TNFRSF21: variants seen among roughly 807,000 people sequenced by gnomAD.
TNFRSF21 encodes tumor necrosis factor receptor superfamily member 21.
In TNFRSF21, 19 loss-of-function variants were observed where a neutral mutation model predicts 45.6. That is an observed-to-expected ratio of 0.42 (90% CI 0.29 to 0.61). The LOEUF is 0.61. Ranked by LOEUF, TNFRSF21 falls within the 20% of genes least tolerant of loss-of-function variation. The pLI is 0.23. For synonymous variants in TNFRSF21, 314 were observed against 335.5 expected, an observed-to-expected ratio of 0.94 and a Z score of 0.70; for missense variants, 737 against 851.5, an observed-to-expected ratio of 0.87 and a Z score of 1.67.
At chr6:47,254,866 A>G (rs142048709) in intron 3 of TNFRSF21, among the ~76,000 whole-genome samples, 1 of 152,344 alleles carries the variant, frequency 6.6e-6, no homozygotes, top group East Asian at 1.9e-4. Context: ...AGGCATTAAT[A>G]TTCCAATTAC....
intron 1 of TNFRSF21, among the ~76,000 whole-genome samples, chr6:47,301,050 T>C (rs970039726): frequency 6.6e-6 from 1 of 152,138 alleles, no homozygotes; most frequent in Admixed American, 6.5e-5. Flanking sequence ...ATAAAGAGAA[T>C]TCTACACCCA....
chr6:47,243,050 G>T (rs1365222789), intron 4 of TNFRSF21, among the ~76,000 whole-genome samples: 1 of 152,220 alleles, frequency 6.6e-6, no homozygotes, highest in East Asian at 1.9e-4. Context: ...GAAGGCTTAA[G>T]TTCATCTTTA....
chr6:47,243,448 T>C (rs1168788746), intron 4 of TNFRSF21, among the ~76,000 whole-genome samples: 1 of 152,156 alleles, frequency 6.6e-6, no homozygotes, highest in Non-Finnish European at 1.5e-5. Flanking sequence ...GTTTTGTTTT[T>C]TTCGTGTCTC....
At position 47,307,435 on chromosome 6, in the gene TNFRSF21, G is replaced by A. The variant is rs114998489; in HGVS notation, c.96+1981C>T. 4.3e-3 allele frequency among the ~76,000 whole-genome samples: 649 copies of A among 152,208 alleles called. 6 individuals are homozygous for A. Among genetic ancestry groups the A allele is most frequent in the Admixed American group, 5.2e-3 (79 of 15,290 alleles). ...ACTCTGTCACTCAAGCTGGAGTGCCGTGGCATGGTCACAGCTCACTGCAGC... is the reference window on the plus strand; with the variant it reads ...ACTCTGTCACTCAAGCTGGAGTGCCATGGCATGGTCACAGCTCACTGCAGC... On this transcript the variant is annotated intron_variant, in intron 1 of 5. Coordinates refer to ENST00000296861, the MANE Select transcript of TNFRSF21 (RefSeq NM_014452.5).
chr6:47,288,775 C>T (rs1187345513), intron 1 of TNFRSF21, among the ~76,000 whole-genome samples: 1 of 152,146 alleles, frequency 6.6e-6, no homozygotes, highest in African/African-American at 2.4e-5. Flanking sequence ...AGACGCTTTG[C>T]CTACATGAAG....
At chr6:47,264,536 T>C (rs912536149) in intron 3 of TNFRSF21, among the ~76,000 whole-genome samples, 1 of 151,984 alleles carries the variant, frequency 6.6e-6, no homozygotes, top group African/African-American at 2.4e-5. Context: ...AATTAATTAA[T>C]TAATAGCTTC....
chr6:47,249,140 T>C (rs1764865178), intron 4 of TNFRSF21, among the ~76,000 whole-genome samples: 1 of 152,204 alleles, frequency 6.6e-6, no homozygotes, highest in African/African-American at 2.4e-5. Context: ...CCTCCCAACC[T>C]CTTGGATTTA....
intron 1 of TNFRSF21, among the ~76,000 whole-genome samples, chr6:47,305,268 G>C (rs1163207691): frequency 6.6e-6 from 1 of 152,108 alleles, no homozygotes; most frequent in African/African-American, 2.4e-5. Context: ...CCACTGCCCA[G>C]AATAGTGCCT....
At chr6:47,299,566 A>C (rs997292420) in intron 1 of TNFRSF21, among the ~76,000 whole-genome samples, 11 of 152,154 alleles carry the variant, frequency 7.2e-5, no homozygotes, top group Admixed American at 7.2e-4. Context: ...TGTAAAATAA[A>C]ACTAAAAATG....
intron 3 of TNFRSF21, among the ~76,000 whole-genome samples, chr6:47,272,130 A>C (rs1269493699): frequency 1.3e-5 from 2 of 152,198 alleles, no homozygotes; most frequent in Non-Finnish European, 1.5e-5. Flanking sequence ...TAACAAGGAT[A>C]TCCAGACTTG....
intron 1 of TNFRSF21, among the ~76,000 whole-genome samples, chr6:47,298,872 C>A (rs986239334): frequency 5.3e-5 from 8 of 152,202 alleles, no homozygotes; most frequent in Non-Finnish European, 2.9e-5. Flanking sequence ...CTACTGAGGG[C>A]TCCAGCAGGC....
intron 4 of TNFRSF21, among the ~76,000 whole-genome samples, chr6:47,251,183 TA>T (rs1375369198): frequency 1.3e-5 from 2 of 152,192 alleles, no homozygotes; most frequent in Admixed American, 6.5e-5. Flanking sequence ...GTTCATTGGC[TA>T]TTAAAATTAG....
intron 3 of TNFRSF21, among the ~76,000 whole-genome samples, chr6:47,275,799 GA>G (rs1762488288): frequency 1.3e-5 from 2 of 152,098 alleles, no homozygotes; most frequent in African/African-American, 4.8e-5. Flanking sequence ...AAGCCTGGGG[GA>G]AAGCTCTTTC....
At chr6:47,245,994 T>C (rs1764819803) in intron 4 of TNFRSF21, among the ~76,000 whole-genome samples, 1 of 152,062 alleles carries the variant, frequency 6.6e-6, no homozygotes, top group Admixed American at 6.5e-5. Context: ...GCAAGAACAG[T>C]GCCAAAGCAG....
chr6:47,276,482 A>G (rs1292834659), intron 3 of TNFRSF21, among the ~76,000 whole-genome samples: 2 of 152,226 alleles, frequency 1.3e-5, no homozygotes, highest in African/African-American at 4.8e-5. Flanking sequence ...AAGCTGTGCA[A>G]GCCAGCAGAA....
intron 3 of TNFRSF21, among the ~76,000 whole-genome samples, chr6:47,273,146 C>A (rs7748332): frequency 0.017 from 2,569 of 152,276 alleles, 64 homozygotes; most frequent in African/African-American, 0.058. Context: ...AAAAGGGAAT[C>A]CTCCCTAACT....
At chr6:47,244,466 T>G (rs1764797339) in intron 4 of TNFRSF21, among the ~76,000 whole-genome samples, 2 of 152,200 alleles carry the variant, frequency 1.3e-5, no homozygotes, top group Non-Finnish European at 1.5e-5. Context: ...AATTTCAACC[T>G]GTGATTATTT....
At chr6:47,234,535 G>GACTGGT in intron 5 of TNFRSF21, 135 bp downstream of exon 5, 1 of 741,288 alleles carries the variant, frequency 1.3e-6, no homozygotes, top group Non-Finnish European at 2.2e-6. Context: ...TGAAGTTTTG[G>GACTGGT]ACTGGTCTTC....
chr6:47,279,396 G>A (rs1325119536), intron 3 of TNFRSF21, among the ~76,000 whole-genome samples: 1 of 152,202 alleles, frequency 6.6e-6, no homozygotes, highest in Non-Finnish European at 1.5e-5. Flanking sequence ...CTGGAATACA[G>A]TTTTGTAGCC....
Sources: allele counts gnomAD v4.1 joint callset (sites outside exome capture counted in the v4.1 genomes callset), GRCh38; gene constraint gnomAD v4.1.1; transcripts MANE v1.5; gene names NCBI Gene and HGNC (gene_info 2026-07-23, HGNC 2026-07-21).